STK32B: variants seen among roughly 807,000 people sequenced by gnomAD.
STK32B encodes the protein serine/threonine kinase 32B.
STK32B carries 43 observed loss-of-function variants against 52.6 expected under a neutral mutation model. The ratio of observed to expected loss-of-function variants is 0.82; its 90% CI spans 0.64 to 1.05. The LOEUF is 1.05. Ranked by LOEUF, STK32B falls within the 50% of genes least tolerant of loss-of-function variation. The pLI is 0.00. For synonymous variants in STK32B, 238 were observed against 204.3 expected (o/e 1.17, Z -1.41); for missense variants, 621 against 534.6 (o/e 1.16, Z -1.59).
chr4:5,083,167 G>T (rs1712531214), intron 1 of STK32B, among the ~76,000 whole-genome samples: 1 of 152,062 alleles, frequency 6.6e-6, no homozygotes, highest in Non-Finnish European at 1.5e-5. Context: ...GCAGTTTTAA[G>T]GCTCTAACTT....
the STK32B span, among the ~76,000 whole-genome samples, chr4:5,039,425 A>G: frequency 2.0e-5 from 3 of 152,154 alleles, no homozygotes; most frequent in African/African-American, 7.2e-5. Flanking sequence ...GGGATCATCA[A>G]TTTCTGCTTC....
At chr4:5,047,321 T>C (rs1464399324), upstream of STK32B, among the ~76,000 whole-genome samples, 1 of 140,236 alleles carries the variant, frequency 7.1e-6, no homozygotes, top group East Asian at 2.4e-4. Context: ...AAGAACAACA[T>C]ACACCAGGGC....
chr4:5,033,486 C>G, the STK32B span, among the ~76,000 whole-genome samples: 1 of 152,348 alleles, frequency 6.6e-6, no homozygotes, highest in Admixed American at 6.5e-5. Context: ...AGACCTTGGA[C>G]AGAAAGCAAT....
chr4:5,433,152 A>C (rs913418622), intron 6 of STK32B, among the ~76,000 whole-genome samples: 3 of 143,974 alleles, frequency 2.1e-5, no homozygotes, highest in African/African-American at 7.7e-5. Context: ...ACAGAGATGA[A>C]AAAGGACCAG....
At chr4:5,134,724 A>G (rs376513951) in intron 1 of STK32B, among the ~76,000 whole-genome samples, 100 of 152,342 alleles carry the variant, frequency 6.6e-4, no homozygotes, top group African/African-American at 2.4e-3. Flanking sequence ...CCCAGCACCA[A>G]CTCTGCAAGG....
At chr4:5,274,052 C>T (rs1471039341) in intron 3 of STK32B, among the ~76,000 whole-genome samples, 1 of 152,036 alleles carries the variant, frequency 6.6e-6, no homozygotes, top group Non-Finnish European at 1.5e-5. Flanking sequence ...GCTAAGCTGT[C>T]AGTTCTTTGC....
intron 3 of STK32B, among the ~76,000 whole-genome samples, chr4:5,201,609 C>T (rs1013467307): frequency 6.6e-6 from 1 of 152,190 alleles, no homozygotes; most frequent in Non-Finnish European, 1.5e-5. Context: ...CTACCTGAGA[C>T]TGGGTCATTT....
At chr4:5,138,487 G>A (rs191751531) in intron 1 of STK32B, among the ~76,000 whole-genome samples, 20 of 152,052 alleles carry the variant, frequency 1.3e-4, no homozygotes, top group East Asian at 1.2e-3. Flanking sequence ...TTATGTACCA[G>A]GAGTTGTGTT....
intron 3 of STK32B, among the ~76,000 whole-genome samples, chr4:5,284,141 C>T (rs189886969): frequency 2.7e-4 from 41 of 152,198 alleles, no homozygotes; most frequent in African/African-American, 9.6e-4. Context: ...ATTAAAGGCA[C>T]ATTTTTATCA....
At chr4:5,251,584 G>A (rs1725940397) in intron 3 of STK32B, among the ~76,000 whole-genome samples, 2 of 152,048 alleles carry the variant, frequency 1.3e-5, no homozygotes, top group Admixed American at 6.5e-5. Flanking sequence ...GGTTCCATAT[G>A]AATTTTATAA....
At chr4:5,152,687 T>G (rs1717471324) in intron 2 of STK32B, among the ~76,000 whole-genome samples, 1 of 152,270 alleles carries the variant, frequency 6.6e-6, no homozygotes, top group Non-Finnish European at 1.5e-5. Context: ...GGGCTGCCCG[T>G]GCAGCATTGC....
chr4:5,270,775 A>G (rs770674073), intron 3 of STK32B, among the ~76,000 whole-genome samples: 1 of 152,238 alleles, frequency 6.6e-6, no homozygotes, highest in African/African-American at 2.4e-5. Flanking sequence ...TTGCTGGCAG[A>G]TGATATGCTT....
At chr4:5,246,207 C>T (rs1012216997) in intron 3 of STK32B, among the ~76,000 whole-genome samples, 11 of 152,230 alleles carry the variant, frequency 7.2e-5, no homozygotes, top group Non-Finnish European at 1.5e-5. Flanking sequence ...CTTTCAGGTA[C>T]ACCAATGAGA....
intron 2 of STK32B, among the ~76,000 whole-genome samples, chr4:5,144,129 T>C (rs1258266678): frequency 6.6e-6 from 1 of 152,148 alleles, no homozygotes; most frequent in Non-Finnish European, 1.5e-5. Flanking sequence ...CCACTGGGAA[T>C]TCAGCTCAGC....
At chr4:5,197,010 G>T (rs1027559474) in intron 3 of STK32B, among the ~76,000 whole-genome samples, 4 of 152,130 alleles carry the variant, frequency 2.6e-5, no homozygotes, top group Non-Finnish European at 5.9e-5. Flanking sequence ...ACCTCAGTTG[G>T]TTTCTTCCAA....
intron 3 of STK32B, among the ~76,000 whole-genome samples, chr4:5,301,838 T>C (rs951619845): frequency 8.0e-6 from 1 of 124,910 alleles, no homozygotes; most frequent in African/African-American, 5.2e-5. Flanking sequence ...TGGGTTTAGT[T>C]TAGTTTGTTT....
At chr4:5,466,369 T>C (rs576611669) in intron 9 of STK32B, among the ~76,000 whole-genome samples, 9 of 152,224 alleles carry the variant, frequency 5.9e-5, no homozygotes, top group Non-Finnish European at 1.2e-4. Flanking sequence ...GACAGGACAA[T>C]GTGCATAGGA....
chr4:5,078,940 T>C (rs754744000), intron 1 of STK32B, among the ~76,000 whole-genome samples: 1 of 152,228 alleles, frequency 6.6e-6, no homozygotes. Flanking sequence ...TTAGAATAAC[T>C]ATCTCTGTTA....
rs145561116 is a variant in STK32B at position 5,431,075 on chromosome 4, C to G, written c.562+14141C>G. On this transcript the variant is annotated intron_variant, in intron 6 of 11. Transcript: ENST00000282908. ...AGGGGTGATCCTATCTTTCTCCCAG[C>G]AATAGGAAACCACTAATGGTCTGAT... 4.0e-3 allele frequency among the ~76,000 whole-genome samples: 607 copies of G among 152,260 alleles called. 1 individual carries two copies. The highest frequency in any genetic ancestry group is 0.014 in the African/African-American group (571 of 41,542).
Sources: gnomAD v4.1 joint callset for allele counts (sites outside exome capture counted in the v4.1 genomes callset) on GRCh38, gnomAD v4.1.1 for gene constraint, MANE v1.5 for transcripts, NCBI Gene and HGNC (gene_info 2026-07-23, HGNC 2026-07-21) for gene names.